Variants in NRXN3 observed in about 807,000 individuals in gnomAD.
NRXN3 encodes neurexin III.
NRXN3 carries 32 observed loss-of-function variants against 137.6 expected under a neutral mutation model. The observed-to-expected ratio is 0.23, with a 90% CI of 0.18 to 0.31. The LOEUF is 0.31. Among genes scored for constraint, NRXN3 ranks in the 10% least tolerant of loss-of-function variants. The pLI, the probability that NRXN3 is intolerant of heterozygous loss-of-function variation, is 1.00. For synonymous variants in NRXN3, 798 were observed against 784.5 expected (o/e 1.02, Z -0.29); for missense variants, 1,574 against 2,062.5 (o/e 0.76, Z 4.59).
At chr14:78,486,464 G>T (rs2095560602) in intron 4 of NRXN3, among the ~76,000 whole-genome samples, 1 of 152,142 alleles carries the variant, frequency 6.6e-6, no homozygotes, top group African/African-American at 2.4e-5. Context: ...TGATCTGGAG[G>T]ATCATAGGAG....
intron 15 of NRXN3, among the ~76,000 whole-genome samples, chr14:79,110,882 C>G (rs1387667241): frequency 6.6e-6 from 1 of 151,888 alleles, no homozygotes; most frequent in Non-Finnish European, 1.5e-5. Context: ...ACTGCACCTC[C>G]CAGGTTCATG....
chr14:79,597,055 C>T (rs556236741), intron 16 of NRXN3, among the ~76,000 whole-genome samples: 1 of 152,188 alleles, frequency 6.6e-6, no homozygotes, highest in Non-Finnish European at 1.5e-5. Context: ...TCTTTCTCTA[C>T]TACCTTAGTC....
At chr14:79,276,751 G>A (rs1408618068) in intron 15 of NRXN3, among the ~76,000 whole-genome samples, 1 of 151,728 alleles carries the variant, frequency 6.6e-6, no homozygotes, top group Non-Finnish European at 1.5e-5. Flanking sequence ...TGGGTAGGTG[G>A]TCAGTTTATC....
At chr14:78,692,401 A>C (rs1227307209) in intron 6 of NRXN3, among the ~76,000 whole-genome samples, 1 of 152,196 alleles carries the variant, frequency 6.6e-6, no homozygotes, top group Non-Finnish European at 1.5e-5. Context: ...TACAAGAAAA[A>C]TTGGTAAATG....
intron 6 of NRXN3, among the ~76,000 whole-genome samples, chr14:78,661,296 G>A (rs1034197625): frequency 2.6e-5 from 4 of 152,142 alleles, no homozygotes; most frequent in Admixed American, 1.3e-4. Context: ...TAGTATTACC[G>A]ATGATTCAGA....
intron 14 of NRXN3, among the ~76,000 whole-genome samples, chr14:78,973,893 A>G (rs933374058): frequency 6.6e-6 from 1 of 152,228 alleles, no homozygotes; most frequent in Non-Finnish European, 1.5e-5. Flanking sequence ...ATCTAAAAAG[A>G]TCATTGACTT....
intron 15 of NRXN3, among the ~76,000 whole-genome samples, chr14:78,997,437 G>A (rs2202185): frequency 0.5 from 76,387 of 151,990 alleles, 23,198 homozygotes; most frequent in African/African-American, 0.85. Context: ...ATTGCTTCAC[G>A]GAAGACAATT....
chr14:79,645,381 C>T lies in NRXN3; in HGVS notation c.3445-18397C>T, dbSNP rs185076283. 6.0e-4 allele frequency among the ~76,000 whole-genome samples: 81 copies of T among 134,054 alleles called. 3 individuals are homozygous for T. The highest frequency in any genetic ancestry group is 3.8e-3 in the Middle Eastern group (1 of 260). 87.9% of individuals were successfully genotyped at this position (134,054 alleles called of 152,430 possible). A position where few individuals can be genotyped will look rare whatever the true frequency, so the allele number is the denominator to read the frequency against. ...TCATAATCCCAGCATTTTGGGAGGC[C>T]GAGGTAGGTAGATCACCTGAGGTCA... On this transcript the variant is annotated intron_variant, in intron 16 of 20. Coordinates refer to ENST00000335750, the MANE Select transcript of NRXN3 (RefSeq NM_001330195.2).
intron 15 of NRXN3, among the ~76,000 whole-genome samples, chr14:79,209,435 T>A (rs539096688): frequency 6.6e-6 from 1 of 151,882 alleles, no homozygotes; most frequent in Non-Finnish European, 1.5e-5. Context: ...AAAGTCACAA[T>A]GGGTAAAGTG....
intron 10 of NRXN3, among the ~76,000 whole-genome samples, chr14:78,833,675 T>A (rs1479224730): frequency 6.6e-6 from 1 of 152,156 alleles, no homozygotes; most frequent in East Asian, 1.9e-4. Context: ...AGAGGGAAAT[T>A]GTTTCTGGTG....
At chr14:78,460,991 T>A (rs17107659) in intron 4 of NRXN3, among the ~76,000 whole-genome samples, 6,048 of 152,294 alleles carry the variant, frequency 0.04, 381 homozygotes, top group East Asian at 0.34. Context: ...TGTTGGCATA[T>A]GTCTAAATAC....
intron 14 of NRXN3, 87 bp downstream of exon 14, chr14:78,968,433 G>T: frequency 7.9e-7 from 1 of 1,258,992 alleles, no homozygotes; most frequent in Non-Finnish European, 1.1e-6. Context: ...TCCTTCCTCA[G>T]TTGACCAGTC....
chr14:78,309,416 G>A lies in NRXN3; in HGVS notation c.757+11556G>A, dbSNP rs140539160. 3.5e-4 allele frequency among the ~76,000 whole-genome samples: 53 copies of A among 151,930 alleles called. No homozygotes were observed. The East Asian group carries it at 8.9e-3, about 25-fold the overall frequency. ...CACCCAGGTAATAAGCATTGTACCC[G>A]ATAGGTAGTTTTTCCATCCTCTTTC... On this transcript the variant is annotated intron_variant, in intron 4 of 20. Transcript: ENST00000335750.
intron 5 of NRXN3, 128 bp downstream of exon 5, chr14:78,645,549 A>G: frequency 1.4e-6 from 1 of 710,180 alleles, no homozygotes; most frequent in Non-Finnish European, 2.2e-6. Context: ...TTAACGTCTA[A>G]CTTTCTCCCA....
chr14:78,171,576 T>C (rs1278017825), intron 1 of NRXN3, among the ~76,000 whole-genome samples: 6 of 152,054 alleles, frequency 3.9e-5, no homozygotes, highest in Non-Finnish European at 8.8e-5. Flanking sequence ...GCTCTTTCCC[T>C]CTCTCTTTTT....
intron 8 of NRXN3, among the ~76,000 whole-genome samples, chr14:78,734,246 C>T (rs1567176439): frequency 6.7e-6 from 1 of 149,296 alleles, no homozygotes; most frequent in Non-Finnish European, 1.5e-5. Flanking sequence ...CACACACACA[C>T]ACACACACCC....
intron 4 of NRXN3, among the ~76,000 whole-genome samples, chr14:78,429,330 C>T (rs1219857731): frequency 6.6e-5 from 10 of 152,068 alleles, no homozygotes; most frequent in Admixed American, 2.0e-4. Context: ...CCACCCGCCT[C>T]GGCCTCCCAA....
chr14:78,312,176 T>C (rs116014105), intron 4 of NRXN3, among the ~76,000 whole-genome samples: 2,026 of 152,310 alleles, frequency 0.013, 46 homozygotes, highest in African/African-American at 0.046. Flanking sequence ...GAAGTTTCAG[T>C]GTGCAAACTT....
intron 19 of NRXN3, among the ~76,000 whole-genome samples, chr14:79,734,840 AT>A (rs1480958067): frequency 3.9e-5 from 6 of 152,282 alleles, no homozygotes; most frequent in Admixed American, 3.9e-4. Context: ...AGTACAAGGC[AT>A]CCCACTCTTG....
Sources: gnomAD v4.1 joint callset for allele counts (sites outside exome capture counted in the v4.1 genomes callset) on GRCh38, gnomAD v4.1.1 for gene constraint, MANE v1.5 for transcripts, NCBI Gene and HGNC (gene_info 2026-07-23, HGNC 2026-07-21) for gene names.